Variants in FAF1 observed in about 807,000 individuals in gnomAD.
FAF1 encodes the protein Fas associated factor 1.
In FAF1, 25 loss-of-function variants were observed where a neutral mutation model predicts 92.5. The observed-to-expected ratio is 0.27, with a 90% CI of 0.20 to 0.38. FAF1 has a LOEUF of 0.38. Among genes scored for constraint, FAF1 ranks in the 10% least tolerant of loss-of-function variants. FAF1 has a pLI of 1.00. For missense variants in FAF1, 636 were observed against 793.3 expected (o/e 0.80, Z 2.38); for synonymous variants, 234 against 273.2 (o/e 0.86, Z 1.42).
chr1:50,661,305 C>A (rs370774322), intron 7 of FAF1, among the ~76,000 whole-genome samples: 2 of 152,114 alleles, frequency 1.3e-5, no homozygotes, highest in African/African-American at 4.8e-5. Context: ...CAGAACGCTA[C>A]TGTGATATAG....
chr1:50,916,505 C>G (rs1644919709), intron 1 of FAF1, among the ~76,000 whole-genome samples: 1 of 152,192 alleles, frequency 6.6e-6, no homozygotes, highest in South Asian at 2.1e-4. Context: ...GTTGAAAGTG[C>G]TTTCTCAGAG....
intron 1 of FAF1, among the ~76,000 whole-genome samples, chr1:50,912,235 T>G (rs937552142): frequency 6.6e-6 from 1 of 152,128 alleles, no homozygotes; most frequent in Non-Finnish European, 1.5e-5. Flanking sequence ...TGTATTAAAG[T>G]GTTTACGGTG....
chr1:50,620,154 G>A (rs897956122), intron 8 of FAF1, among the ~76,000 whole-genome samples: 7 of 152,086 alleles, frequency 4.6e-5, no homozygotes, highest in East Asian at 1.9e-4. Context: ...TGATCCGCCC[G>A]CCTCGGCCTC....
chr1:50,694,034 A>G (rs988493978), intron 7 of FAF1, among the ~76,000 whole-genome samples: 1 of 152,126 alleles, frequency 6.6e-6, no homozygotes. Context: ...CATATATATG[A>G]CATATACATG....
At chr1:50,552,640 C>G (rs1649367236) in intron 13 of FAF1, among the ~76,000 whole-genome samples, 1 of 152,090 alleles carries the variant, frequency 6.6e-6, no homozygotes. Context: ...ATGGTGAAGC[C>G]TTCTCTAGAA....
At position 50,527,868 on chromosome 1, in the gene FAF1, CCT is replaced by C. The variant is rs1332650562; in HGVS notation, c.1494+7499_1494+7500del. On this transcript the variant is annotated intron_variant, in intron 15 of 18. Transcript: ENST00000396153. ...CCCTCTCTCCCTCTCTCCCTCTCTC[CCT>C]CTCTCTCTCTCTCTCTCTCTGAGAC... Among the ~76,000 whole-genome samples the C allele has an allele frequency of 4.8e-3, 272 of 56,894 alleles. 1 individual carries two copies. Among genetic ancestry groups the C allele is most frequent in the African/African-American group, 9.5e-3 (84 of 8,850 alleles). 37.3% of individuals were successfully genotyped at this position (56,894 alleles called of 152,430 possible). A position where few individuals can be genotyped will look rare whatever the true frequency, so the allele number is the denominator to read the frequency against.
Position 50,878,874 on chromosome 1 carries a change from T to C in FAF1, c.46-20877A>G, listed in dbSNP as rs542749922. On this transcript the variant is annotated intron_variant, in intron 1 of 18. Transcript: ENST00000396153. ...CCAGAATCACAGTGTTAGCAAATGA[T>C]ATTAGAATTACAATCCCAGAACACT... 7.9e-5 allele frequency among the ~76,000 whole-genome samples: 12 copies of C among 152,314 alleles called. No homozygotes were observed. In the East Asian group the frequency reaches 2.3e-3, roughly 29 times the overall value.
intron 13 of FAF1, among the ~76,000 whole-genome samples, chr1:50,543,681 C>T (rs554500363): frequency 5.3e-5 from 8 of 151,704 alleles, no homozygotes; most frequent in Non-Finnish European, 1.2e-4. Context: ...TAGCTACAGG[C>T]CAGCTCTATG....
chr1:50,629,524 G>C (rs904067298), intron 8 of FAF1, among the ~76,000 whole-genome samples: 1 of 152,068 alleles, frequency 6.6e-6, no homozygotes, highest in African/African-American at 2.4e-5. Flanking sequence ...GTAAAATTGG[G>C]GAACTATGCT....
chr1:50,708,773 A>G (rs1657796507), intron 6 of FAF1, among the ~76,000 whole-genome samples: 1 of 152,180 alleles, frequency 6.6e-6, no homozygotes. Context: ...AGAGAAGAGA[A>G]AAATCAAGAA....
At chr1:50,696,707 C>G (rs1451517961) in intron 7 of FAF1, among the ~76,000 whole-genome samples, 2 of 152,094 alleles carry the variant, frequency 1.3e-5, no homozygotes, top group Non-Finnish European at 1.5e-5. Context: ...ATTGGTTTCT[C>G]TGTGTCACTC....
intron 7 of FAF1, among the ~76,000 whole-genome samples, chr1:50,681,362 A>G (rs1214979108): frequency 2.0e-5 from 3 of 151,842 alleles, no homozygotes; most frequent in Middle Eastern, 3.4e-3. Flanking sequence ...AACTTCTATC[A>G]CTTAACTTTT....
intron 7 of FAF1, among the ~76,000 whole-genome samples, chr1:50,671,558 C>G (rs1557466966): frequency 6.6e-6 from 1 of 152,022 alleles, no homozygotes; most frequent in Non-Finnish European, 1.5e-5. Flanking sequence ...TAACTATATA[C>G]CTGGCAGTTT....
At chr1:50,466,118 T>A (rs1646491983) in intron 18 of FAF1, among the ~76,000 whole-genome samples, 1 of 152,160 alleles carries the variant, frequency 6.6e-6, no homozygotes, top group Non-Finnish European at 1.5e-5. Context: ...TAGGATATCA[T>A]TATAATAATT....
At chr1:50,474,484 T>C (rs1380300382) in intron 18 of FAF1, among the ~76,000 whole-genome samples, 1 of 152,058 alleles carries the variant, frequency 6.6e-6, no homozygotes, top group Non-Finnish European at 1.5e-5. Flanking sequence ...TCTTTAGTGG[T>C]GATTTGTGAG....
chr1:50,931,065 A>T (rs1200332448), intron 1 of FAF1, among the ~76,000 whole-genome samples: 1 of 152,138 alleles, frequency 6.6e-6, no homozygotes, highest in Non-Finnish European at 1.5e-5. Flanking sequence ...TATATTCCAG[A>T]TGCTTCTCTT....
chr1:50,483,222 A>C (rs1251461926), intron 17 of FAF1, among the ~76,000 whole-genome samples: 1 of 151,254 alleles, frequency 6.6e-6, no homozygotes, highest in Non-Finnish European at 1.5e-5. Context: ...TTTGGATATA[A>C]ATATTCAATT....
intron 2 of FAF1, among the ~76,000 whole-genome samples, chr1:50,857,464 C>T (rs531733739): frequency 6.6e-6 from 1 of 151,478 alleles, no homozygotes; most frequent in East Asian, 1.9e-4. Flanking sequence ...TTGATTACTG[C>T]CAAAAAAGAA....
intron 2 of FAF1, among the ~76,000 whole-genome samples, chr1:50,805,449 G>A (rs1662156623): frequency 6.6e-6 from 1 of 152,096 alleles, no homozygotes; most frequent in South Asian, 2.1e-4. Context: ...TACAGTGGAA[G>A]CCAATGTCAG....
Sources: gnomAD v4.1 joint callset for allele counts (sites outside exome capture counted in the v4.1 genomes callset) on GRCh38, gnomAD v4.1.1 for gene constraint, MANE v1.5 for transcripts, NCBI Gene and HGNC (gene_info 2026-07-23, HGNC 2026-07-21) for gene names.